KCNIP1: variants seen among roughly 807,000 people sequenced by gnomAD.
KCNIP1 encodes the protein A-type potassium channel modulatory protein KCNIP1.
In KCNIP1, 18 loss-of-function variants were observed where a neutral mutation model predicts 33.0. That is an observed-to-expected ratio of 0.55 (90% CI 0.38 to 0.81). KCNIP1 has a LOEUF of 0.81. KCNIP1 is among the 30% of genes least tolerant of loss of function. The pLI is 0.00. For synonymous variants in KCNIP1, 93 were observed against 98.3 expected (o/e 0.95, Z 0.32); for missense variants, 238 against 271.6 (o/e 0.88, Z 0.87).
chr5:170,605,770 C>CTTTTTTTTTTTTTTTTTTTTTTTTTTTT (rs766469605), intron 1 of KCNIP1, among the ~76,000 whole-genome samples: 1 of 102,350 alleles, frequency 9.8e-6, no homozygotes, highest in Non-Finnish European at 1.9e-5. Flanking sequence ...CAACCCTGTT[C>CTTTTTTTTTTTTTTTTTTTTTTTTTTTT]TTTTTTTTTT....
intron 1 of KCNIP1, among the ~76,000 whole-genome samples, chr5:170,410,071 T>A (rs1312382799): frequency 6.6e-6 from 1 of 152,256 alleles, no homozygotes; most frequent in Non-Finnish European, 1.5e-5. Context: ...AGTGTAACTA[T>A]CAGGAATCCT....
chr5:170,447,477 A>T (rs181258186), intron 1 of KCNIP1, among the ~76,000 whole-genome samples: 3 of 152,232 alleles, frequency 2.0e-5, no homozygotes, highest in African/African-American at 7.2e-5. Context: ...CTAGAGTTTG[A>T]ATGGGAAGTT....
intron 1 of KCNIP1, among the ~76,000 whole-genome samples, chr5:170,623,748 C>G (rs766274655): frequency 1.3e-5 from 2 of 152,172 alleles, no homozygotes; most frequent in African/African-American, 2.4e-5. Context: ...GGCGCTGCCC[C>G]CTTCTGGTGG....
chr5:170,521,155 T>C (rs1755350232), intron 1 of KCNIP1, among the ~76,000 whole-genome samples: 1 of 152,218 alleles, frequency 6.6e-6, no homozygotes. Context: ...TGACACTGCC[T>C]GGCATGTGCT....
intron 1 of KCNIP1, chr5:170,378,523 C>T (rs1167282526): frequency 8.4e-6 from 6 of 711,956 alleles, no homozygotes; most frequent in Admixed American, 5.3e-5. Flanking sequence ...CATTCTTGAG[C>T]AGGCAATGAC....
chr5:170,385,271 T>C (rs1171549258), intron 1 of KCNIP1: 2 of 1,606,970 alleles, frequency 1.2e-6, no homozygotes, highest in Admixed American at 1.7e-5. Flanking sequence ...GCCAGACCCT[T>C]AGGAGAGGGT....
chr5:170,642,553 C>T (rs1264460509), intron 1 of KCNIP1, among the ~76,000 whole-genome samples: 1 of 152,192 alleles, frequency 6.6e-6, no homozygotes, highest in African/African-American at 2.4e-5. Context: ...TCGTCACCAT[C>T]GCCAAAGCAA....
At chr5:170,457,198 A>G (rs76749569) in intron 1 of KCNIP1, among the ~76,000 whole-genome samples, 2 of 152,044 alleles carry the variant, frequency 1.3e-5, no homozygotes, top group East Asian at 3.9e-4. Flanking sequence ...AAATGGACAA[A>G]TTCTTAGAAA....
intron 1 of KCNIP1, among the ~76,000 whole-genome samples, chr5:170,707,586 G>A (rs1184161328): frequency 2.0e-5 from 3 of 152,010 alleles, no homozygotes; most frequent in Non-Finnish European, 2.9e-5. Flanking sequence ...TTCCACCATC[G>A]CCCTGCTCCT....
intron 1 of KCNIP1, among the ~76,000 whole-genome samples, chr5:170,495,334 T>C (rs1009639793): frequency 3.3e-5 from 5 of 152,296 alleles, no homozygotes; most frequent in African/African-American, 1.2e-4. Flanking sequence ...ACCGCACCAC[T>C]GTTGGGTGCA....
chr5:170,515,898 A>G (rs1479348354), intron 1 of KCNIP1, among the ~76,000 whole-genome samples: 2 of 152,360 alleles, frequency 1.3e-5, no homozygotes, highest in East Asian at 1.9e-4. Context: ...TTAGAGCTCA[A>G]CAAAAGAGCT....
chr5:170,382,018 T>C (rs754069079), intron 1 of KCNIP1, among the ~76,000 whole-genome samples: 1 of 151,952 alleles, frequency 6.6e-6, no homozygotes, highest in Non-Finnish European at 1.5e-5. Context: ...TCCCCCAGCC[T>C]CCACGCCCCA....
At chr5:170,535,914 T>G (rs1390373996) in intron 1 of KCNIP1, among the ~76,000 whole-genome samples, 1 of 152,192 alleles carries the variant, frequency 6.6e-6, no homozygotes, top group Non-Finnish European at 1.5e-5. Context: ...GAAAGGGGCC[T>G]GAGGAACTGC....
At chr5:170,381,080 C>T (rs983351754) in intron 1 of KCNIP1, among the ~76,000 whole-genome samples, 22 of 152,216 alleles carry the variant, frequency 1.4e-4, no homozygotes, top group Non-Finnish European at 1.5e-5. Flanking sequence ...TGGATGAGCT[C>T]TGAAGTAGAG....
rs559888905 is a variant in KCNIP1, at chr5:170,393,684, C to T, written c.88+39720C>T. Among the ~76,000 whole-genome samples the T allele has an allele frequency of 3.3e-5, 5 of 152,210 alleles. No individual in the cohort carries two copies. In the South Asian group the frequency reaches 1.0e-3, roughly 32 times the overall value. ...AGTATAACAACAGCAAAAGTAAATGCCGATATTACAATTAAATGGTCACAC... is the reference window on the plus strand; with the variant it reads ...AGTATAACAACAGCAAAAGTAAATGTCGATATTACAATTAAATGGTCACAC... On this transcript the variant is annotated intron_variant, in intron 1 of 7. Transcript: ENST00000377360.
At chr5:170,629,128 A>G (rs1231599631) in intron 1 of KCNIP1, among the ~76,000 whole-genome samples, 2 of 152,184 alleles carry the variant, frequency 1.3e-5, no homozygotes, top group East Asian at 3.9e-4. Flanking sequence ...CGCCCCTGAC[A>G]TACGCATCGA....
intron 1 of KCNIP1, among the ~76,000 whole-genome samples, chr5:170,624,484 C>T (rs1759736124): frequency 6.6e-6 from 1 of 152,066 alleles, no homozygotes; most frequent in South Asian, 2.1e-4. Flanking sequence ...TTTCCTTCCT[C>T]TCCATTTTAC....
At chr5:170,553,872 G>C (rs1027073715) in intron 1 of KCNIP1, among the ~76,000 whole-genome samples, 1 of 152,176 alleles carries the variant, frequency 6.6e-6, no homozygotes, top group Non-Finnish European at 1.5e-5. Context: ...GTGTGGACCC[G>C]GGTTCATCCT....
At chr5:170,652,068 A>AGCTG (rs1283341464) in intron 1 of KCNIP1, among the ~76,000 whole-genome samples, 4 of 152,194 alleles carry the variant, frequency 2.6e-5, no homozygotes, top group Non-Finnish European at 2.9e-5. Flanking sequence ...AGCAATGAGG[A>AGCTG]GCTGGCTGGC....
Sources: allele counts gnomAD v4.1 joint callset (sites outside exome capture counted in the v4.1 genomes callset), GRCh38; gene constraint gnomAD v4.1.1; transcripts MANE v1.5; gene names NCBI Gene and HGNC (gene_info 2026-07-23, HGNC 2026-07-21).